Variants in DCC observed in about 807,000 individuals in gnomAD.
The protein encoded by DCC is netrin receptor DCC.
A neutral mutation model predicts 172.5 loss-of-function variants in DCC; 58 were observed. The observed-to-expected ratio is 0.34, with a 90% confidence interval of 0.27 to 0.42. The LOEUF is 0.42. Ranked by LOEUF, DCC falls within the 10% of genes least tolerant of loss-of-function variation. DCC has a pLI of 1.00. For synonymous variants in DCC, 709 were observed against 644.5 expected (o/e 1.10, Z -1.52); for missense variants, 1,740 against 1,791.0 (o/e 0.97, Z 0.51).
intron 1 of DCC, among the ~76,000 whole-genome samples, chr18:52,552,435 A>C (rs555951313): frequency 3.6e-4 from 55 of 152,206 alleles, no homozygotes; most frequent in Non-Finnish European, 5.9e-4. Flanking sequence ...GAAACAATTA[A>C]AGTTGATTTG....
intron 5 of DCC, among the ~76,000 whole-genome samples, chr18:52,982,085 T>C (rs1220538967): frequency 2.6e-5 from 4 of 152,128 alleles, no homozygotes; most frequent in Non-Finnish European, 5.9e-5. Flanking sequence ...AGACACTGAT[T>C]GCTAAGGACT....
At chr18:53,430,312 A>G (rs1911534786) in intron 21 of DCC, among the ~76,000 whole-genome samples, 2 of 152,260 alleles carry the variant, frequency 1.3e-5, no homozygotes, top group South Asian at 4.1e-4. Flanking sequence ...CTAGGGATTG[A>G]TTGTATGAAC....
intron 7 of DCC, among the ~76,000 whole-genome samples, chr18:53,085,970 T>C (rs1449721620): frequency 1.5e-5 from 1 of 65,968 alleles, no homozygotes; most frequent in Non-Finnish European, 2.9e-5. Context: ...TTCTTCTTCT[T>C]CTTCTTCTTC....
chr18:53,240,042 A>AAAC (rs1568385349), intron 12 of DCC, among the ~76,000 whole-genome samples: 10 of 139,502 alleles, frequency 7.2e-5, no homozygotes, highest in East Asian at 4.4e-4. Context: ...AAAAAAAAAA[A>AAAC]AAAAAAAACA....
At chr18:52,425,707 T>G (rs992476330) in intron 1 of DCC, among the ~76,000 whole-genome samples, 1 of 152,102 alleles carries the variant, frequency 6.6e-6, no homozygotes, top group African/African-American at 2.4e-5. Flanking sequence ...GGAGGATTCT[T>G]CCCACCCTCA....
chr18:52,544,603 C>T (rs1002542781), intron 1 of DCC, among the ~76,000 whole-genome samples: 1 of 152,120 alleles, frequency 6.6e-6, no homozygotes, highest in Non-Finnish European at 1.5e-5. Context: ...TTCTTGCTCT[C>T]CTCTGCTATT....
chr18:52,936,833 G>A (rs1019174827), intron 5 of DCC, among the ~76,000 whole-genome samples: 2 of 152,176 alleles, frequency 1.3e-5, no homozygotes, highest in Non-Finnish European at 2.9e-5. Context: ...TTTAAACAAA[G>A]TCAGCAAGAG....
chr18:52,805,877 G>A (rs1194325505), intron 2 of DCC, among the ~76,000 whole-genome samples: 2 of 152,150 alleles, frequency 1.3e-5, no homozygotes, highest in Admixed American at 6.5e-5. Flanking sequence ...TGGATTTTGT[G>A]TTTAGTTGAA....
intron 15 of DCC, among the ~76,000 whole-genome samples, chr18:53,366,119 C>T (rs1248909916): frequency 1.3e-5 from 2 of 151,818 alleles, no homozygotes; most frequent in Admixed American, 6.6e-5. Context: ...TGCAGTGGCG[C>T]GATCTTGGCT....
At chr18:52,866,319 G>T (rs1276083145) in intron 2 of DCC, among the ~76,000 whole-genome samples, 1 of 152,142 alleles carries the variant, frequency 6.6e-6, no homozygotes, top group Non-Finnish European at 1.5e-5. Context: ...TTCAAGTCAG[G>T]TAGCATGATG....
At chr18:52,989,028 C>A (rs1253542732) in intron 5 of DCC, among the ~76,000 whole-genome samples, 1 of 151,684 alleles carries the variant, frequency 6.6e-6, no homozygotes, top group Non-Finnish European at 1.5e-5. Flanking sequence ...AGAGAACATC[C>A]CTTCTATTTG....
At chr18:52,982,046 A>G (rs1052346718) in intron 5 of DCC, among the ~76,000 whole-genome samples, 2 of 152,150 alleles carry the variant, frequency 1.3e-5, no homozygotes, top group African/African-American at 4.8e-5. Context: ...CCAGATGCTT[A>G]CATAAAGAGC....
chr18:53,018,847 C>A (rs961531025), intron 5 of DCC, among the ~76,000 whole-genome samples: 1 of 152,132 alleles, frequency 6.6e-6, no homozygotes, highest in Non-Finnish European at 1.5e-5. Flanking sequence ...CCTACATATA[C>A]TATCTTTATA....
intron 1 of DCC, among the ~76,000 whole-genome samples, chr18:52,432,155 GCTCC>G (rs765522640): frequency 1.3e-5 from 2 of 152,044 alleles, no homozygotes; most frequent in African/African-American, 2.4e-5. Context: ...CTCATCACTA[GCTCC>G]CTGGGTTTCA....
intron 12 of DCC, among the ~76,000 whole-genome samples, chr18:53,227,962 C>T (rs1209368357): frequency 6.6e-6 from 1 of 152,118 alleles, no homozygotes; most frequent in African/African-American, 2.4e-5. Context: ...ATGCCTTATA[C>T]TAACTTTAAA....
rs185538919 is a variant in DCC at position 53,381,889 on chromosome 18, C to T, written c.2360-4154C>T. ...TAATTTCTCATAAAAATCTGGATTT[C>T]CAGATAATCTGACAAAACTGGGACT... On this transcript the variant is annotated intron_variant, in intron 15 of 28. Coordinates refer to ENST00000442544, the MANE Select transcript of DCC (RefSeq NM_005215.4). 2.4e-3 allele frequency among the ~76,000 whole-genome samples: 369 copies of T among 152,018 alleles called. 1 individual carries two copies. Among genetic ancestry groups the T allele is most frequent in the Non-Finnish European group, 4.5e-3 (309 of 67,922 alleles).
intron 1 of DCC, among the ~76,000 whole-genome samples, chr18:52,535,044 G>T (rs1034799570): frequency 5.3e-5 from 8 of 152,124 alleles, no homozygotes; most frequent in African/African-American, 1.9e-4. Context: ...ATCTCCAGCA[G>T]CAATATGCAT....
intron 7 of DCC, among the ~76,000 whole-genome samples, chr18:53,156,841 T>G (rs975130136): frequency 6.6e-6 from 1 of 152,330 alleles, no homozygotes; most frequent in South Asian, 2.1e-4. Context: ...TTTATCCATA[T>G]TTTTACTTAT....
intron 12 of DCC, among the ~76,000 whole-genome samples, chr18:53,273,125 G>A (rs1305363229): frequency 6.6e-6 from 1 of 152,082 alleles, no homozygotes; most frequent in African/African-American, 2.4e-5. Context: ...GCAGACAAGT[G>A]GGACAGAGTT....
Sources: gnomAD v4.1 joint callset for allele counts (sites outside exome capture counted in the v4.1 genomes callset) on GRCh38, gnomAD v4.1.1 for gene constraint, MANE v1.5 for transcripts, NCBI Gene and HGNC (gene_info 2026-07-23, HGNC 2026-07-21) for gene names.